Variants in SNX29 observed in about 807,000 individuals in gnomAD.
The protein encoded by SNX29 is sorting nexin-29.
SNX29 carries 78 observed loss-of-function variants against 102.1 expected under a neutral mutation model. The ratio of observed to expected loss-of-function variants is 0.76; its 90% CI spans 0.64 to 0.92. SNX29 has a LOEUF of 0.92. SNX29 is among the 40% of genes least tolerant of loss of function. The probability of loss-of-function intolerance (pLI) is 0.00; values close to 1 mark genes in which losing one functional copy is unlikely to be tolerated. For missense variants in SNX29, 1,280 were observed against 1,061.7 expected (o/e 1.21, Z -2.86); for synonymous variants, 580 against 414.5 (o/e 1.40, Z -4.85).
At chr16:12,565,848 C>G (rs149729702) in intron 20 of SNX29, among the ~76,000 whole-genome samples, 1 of 152,320 alleles carries the variant, frequency 6.6e-6, no homozygotes, top group African/African-American at 2.4e-5. Context: ...CTGCCTCCTC[C>G]GGGAAGCCCT....
intron 18 of SNX29, among the ~76,000 whole-genome samples, chr16:12,408,289 G>C (rs2084257372): frequency 6.6e-6 from 1 of 152,244 alleles, no homozygotes; most frequent in Admixed American, 6.5e-5. Context: ...GAGATGGTAG[G>C]CTAAGGGCAG....
At chr16:12,073,531 G>C (rs1246819149) in intron 10 of SNX29, among the ~76,000 whole-genome samples, 1 of 152,220 alleles carries the variant, frequency 6.6e-6, no homozygotes, top group Non-Finnish European at 1.5e-5. Context: ...ACTGTGGTCT[G>C]AGAGACTGTT....
rs117276689 is a variant in SNX29, at chr16:12,526,093, A to C, written c.2318+1252A>C. 3.1e-3 allele frequency among the ~76,000 whole-genome samples: 466 copies of C among 152,380 alleles called. 10 individuals are homozygous for C. In the East Asian group the frequency reaches 0.052, roughly 17 times the overall value. On this transcript the variant is annotated intron_variant, in intron 20 of 20. Coordinates refer to ENST00000566228, the MANE Select transcript of SNX29 (RefSeq NM_032167.5). ...ATAGAAACACAAAACGTAAAAATCC[A>C]TAGAGAAGACCTGTGGGATTGGGAC...
chr16:12,078,757 C>T, intron 10 of SNX29, 76 bp from the exon 11 acceptor site: 1 of 1,292,838 alleles, frequency 7.7e-7, no homozygotes, highest in African/African-American at 1.5e-5. Flanking sequence ...AAACCGACCT[C>T]TGCTAGTTTT....
At chr16:12,561,510 AAC>A (rs1436105850) in intron 20 of SNX29, among the ~76,000 whole-genome samples, 1 of 152,304 alleles carries the variant, frequency 6.6e-6, no homozygotes, top group African/African-American at 2.4e-5. Flanking sequence ...TCACAGGTGA[AAC>A]AAAGTGAAAA....
intron 13 of SNX29, among the ~76,000 whole-genome samples, chr16:12,178,790 G>A (rs917458280): frequency 2.0e-5 from 3 of 152,160 alleles, no homozygotes; most frequent in African/African-American, 7.2e-5. Flanking sequence ...GTACAGTTGT[G>A]CATGTGTGAC....
At chr16:12,265,763 G>A (rs1223254347) in intron 14 of SNX29, among the ~76,000 whole-genome samples, 1 of 144,750 alleles carries the variant, frequency 6.9e-6, no homozygotes, top group African/African-American at 2.5e-5. Flanking sequence ...GATGGCACAC[G>A]CCTGTAGTCC....
chr16:12,541,778 A>T (rs1283971537), intron 20 of SNX29, among the ~76,000 whole-genome samples: 2 of 151,504 alleles, frequency 1.3e-5, no homozygotes, highest in Non-Finnish European at 2.9e-5. Context: ...TGCGTTTCCA[A>T]CCCCCTGGAA....
intron 19 of SNX29, among the ~76,000 whole-genome samples, chr16:12,500,961 G>C (rs964426549): frequency 3.9e-5 from 6 of 152,176 alleles, no homozygotes; most frequent in Admixed American, 2.6e-4. Context: ...AGCCACGCCT[G>C]TCATGGGCAG....
intron 13 of SNX29, among the ~76,000 whole-genome samples, chr16:12,174,986 T>A (rs2076228630): frequency 6.6e-6 from 1 of 152,188 alleles, no homozygotes; most frequent in Admixed American, 6.5e-5. Context: ...GTAAACAGCT[T>A]AGTGTCCTCT....
intron 16 of SNX29, among the ~76,000 whole-genome samples, chr16:12,364,416 C>CTTCTTTTTTTTTTTTTTTTTTTT (rs1555520124): frequency 5.1e-5 from 5 of 98,790 alleles, no homozygotes; most frequent in African/African-American, 1.7e-4. Flanking sequence ...CTCTCTTCTT[C>CTTCTTTTTTTTTTTTTTTTTTTT]TTTTTTTTTT....
rs374634837 is a variant in SNX29 at position 12,571,479 on chromosome 16, CAGAG to C, written c.*2853_*2856del. The C allele has an allele frequency of 1.2e-4, 34 of 283,134 alleles. 1 individual carries two copies. The highest frequency in any genetic ancestry group is 7.1e-4 in the African/African-American group (33 of 46,260). 17.5% of individuals were successfully genotyped at this position (283,134 alleles called of 1,614,324 possible). A position where few individuals can be genotyped will look rare whatever the true frequency, so the allele number is the denominator to read the frequency against. ...GAGAACAGAAGCCCCCTCCCCTACT[CAGAG>C]AGGAACGAGGGTGGCCCACCTCTCA... is the stretch of plus-strand genomic sequence containing the variant. On this transcript the variant is annotated 3_prime_UTR_variant, in exon 21 of 21. Transcript: ENST00000566228.
At chr16:12,347,077 G>C (rs2081835069) in intron 15 of SNX29, among the ~76,000 whole-genome samples, 1 of 152,200 alleles carries the variant, frequency 6.6e-6, no homozygotes, top group Non-Finnish European at 1.5e-5. Flanking sequence ...ATGTGTGTAA[G>C]CATTACCTCT....
chr16:12,540,381 C>G (rs181749920), intron 20 of SNX29, among the ~76,000 whole-genome samples: 3 of 152,278 alleles, frequency 2.0e-5, no homozygotes, highest in Middle Eastern at 3.4e-3. Flanking sequence ...TGTTGCCCTA[C>G]CAAATTGGCA....
At chr16:11,991,515 T>TATTTTATAAAAATAAAA (rs2055846330) in intron 1 of SNX29, among the ~76,000 whole-genome samples, 1 of 151,826 alleles carries the variant, frequency 6.6e-6, no homozygotes, top group Non-Finnish European at 1.5e-5. Context: ...AATATAAATA[T>TATTTTATAAAAATAAAA]ATGTAAATTT....
At chr16:12,558,649 C>T (rs1046891244) in intron 20 of SNX29, among the ~76,000 whole-genome samples, 3 of 152,350 alleles carry the variant, frequency 2.0e-5, no homozygotes, top group East Asian at 1.9e-4. Flanking sequence ...ACCTATTCTC[C>T]ATCCCACCCA....
At chr16:12,403,222 GTGT>G (rs2084023208) in intron 17 of SNX29, among the ~76,000 whole-genome samples, 1 of 148,112 alleles carries the variant, frequency 6.8e-6, no homozygotes, top group African/African-American at 2.5e-5. Flanking sequence ...GTGTGTGTGT[GTGT>G]GTGTGTGTGT....
At chr16:12,297,535 T>C (rs986441279) in intron 15 of SNX29, among the ~76,000 whole-genome samples, 3 of 152,024 alleles carry the variant, frequency 2.0e-5, no homozygotes, top group African/African-American at 7.2e-5. Flanking sequence ...CTCTCCTACT[T>C]GAAATTTGCT....
At chr16:12,549,079 G>A (rs2561037) in intron 20 of SNX29, among the ~76,000 whole-genome samples, 47,399 of 152,098 alleles carry the variant, frequency 0.31, 8,995 homozygotes, top group East Asian at 0.73. Context: ...CATAGTGTTC[G>A]GCTCCCTGTT....
Sources: allele counts gnomAD v4.1 joint callset (sites outside exome capture counted in the v4.1 genomes callset), GRCh38; gene constraint gnomAD v4.1.1; transcripts MANE v1.5; gene names NCBI Gene and HGNC (gene_info 2026-07-23, HGNC 2026-07-21).